Variants in ZRANB3 observed in about 807,000 individuals in gnomAD.
The protein encoded by ZRANB3 is DNA annealing helicase and endonuclease ZRANB3.
In ZRANB3, 125 loss-of-function variants were observed where a neutral mutation model predicts 133.8. The observed-to-expected ratio is 0.93, with a 90% confidence interval of 0.81 to 1.08. The LOEUF (loss-of-function observed/expected upper bound fraction) is 1.08. Ranked by LOEUF, ZRANB3 falls within the 50% of genes least tolerant of loss-of-function variation. ZRANB3 has a pLI of 0.00. For missense variants in ZRANB3, 1,229 were observed against 1,275.5 expected (o/e 0.96, Z 0.56); for synonymous variants, 387 against 432.7 (o/e 0.89, Z 1.31).
chr2:135,487,145 C>T (rs1024293191), intron 2 of ZRANB3, among the ~76,000 whole-genome samples: 2 of 152,178 alleles, frequency 1.3e-5, no homozygotes, highest in Non-Finnish European at 2.9e-5. Context: ...TACAATAGAG[C>T]TCTTGGGTGA....
intron 2 of ZRANB3, among the ~76,000 whole-genome samples, chr2:135,434,185 T>C (rs551215668): frequency 5.6e-4 from 85 of 151,948 alleles, no homozygotes; most frequent in African/African-American, 1.9e-3. Flanking sequence ...AAGAAATAAA[T>C]TGGGGGTGGA....
rs111559165 is a variant in ZRANB3 at position 135,269,211 on chromosome 2, A to T, written c.1207-70T>A. Reference sequence around the variant, plus strand: ...AATATATAATAAAGTATTTCTGAACATGTTAAATGGAGAACACTGAAGGAC... The same window carrying T: ...AATATATAATAAAGTATTTCTGAACTTGTTAAATGGAGAACACTGAAGGAC... On this transcript the variant is annotated intron_variant, in intron 10 of 20. Transcript: ENST00000264159. The T allele has an allele frequency of 5.4e-4, 702 of 1,293,872 alleles. 4 individuals are homozygous for T. The African/African-American group carries it at 9.5e-3, about 18-fold the overall frequency. 80.1% of individuals were successfully genotyped at this position (1,293,872 alleles called of 1,614,324 possible). A position where few individuals can be genotyped will look rare whatever the true frequency, so the allele number is the denominator to read the frequency against.
intron 6 of ZRANB3, among the ~76,000 whole-genome samples, chr2:135,344,364 A>G (rs1001689564): frequency 6.6e-6 from 1 of 152,226 alleles, no homozygotes; most frequent in Non-Finnish European, 1.5e-5. Context: ...CATTGTATGC[A>G]CAGCTATATA....
In ZRANB3 at chr2:135,416,575, C is replaced by T. The variant is rs993793203; in HGVS notation, c.162-25755G>A. Among the ~76,000 whole-genome samples, 442 of 151,640 alleles carry T rather than the reference C, an allele frequency of 2.9e-3. 2 individuals are homozygous for T. The highest frequency in any genetic ancestry group is 9.9e-3 in the African/African-American group (410 of 41,326). ...TTCAATGCCATCCCCATCAAGCTAC[C>T]AATGACTTTCTTCACAGAATTGGAA... is the stretch of plus-strand genomic sequence containing the variant. On this transcript the variant is annotated intron_variant, in intron 2 of 20. Transcript: ENST00000264159.
intron 1 of ZRANB3, chr2:135,511,795 T>C: frequency 1.3e-6 from 1 of 761,770 alleles, no homozygotes. Flanking sequence ...ATCTGCTAGC[T>C]TTCTATTTGA....
At chr2:135,378,890 C>T (rs1187836400) in intron 3 of ZRANB3, among the ~76,000 whole-genome samples, 1 of 152,112 alleles carries the variant, frequency 6.6e-6, no homozygotes, top group African/African-American at 2.4e-5. Context: ...ATTGTTACAA[C>T]CCAGAGAAGC....
In ZRANB3 at chr2:135,489,861, ATAT is replaced by A. The variant is rs199726830; in HGVS notation, c.161+14465_161+14467del. Reference sequence around the variant, plus strand: ...CCAAGACAAATCAACAAATATAAGCATATTTGATGTCTTCAAAGAAGCAAGCCA... The same window carrying A: ...CCAAGACAAATCAACAAATATAAGCATTGATGTCTTCAAAGAAGCAAGCCA... On this transcript the variant is annotated intron_variant, in intron 2 of 20. Coordinates refer to ENST00000264159, the MANE Select transcript of ZRANB3 (RefSeq NM_032143.4). 7.4e-4 allele frequency among the ~76,000 whole-genome samples: 112 copies of A among 152,284 alleles called. 1 individual carries two copies. In the East Asian group the frequency reaches 0.018, roughly 25 times the overall value.
intron 2 of ZRANB3, among the ~76,000 whole-genome samples, chr2:135,396,187 A>G (rs1687478853): frequency 1.3e-5 from 2 of 152,204 alleles, no homozygotes; most frequent in African/African-American, 2.4e-5. Context: ...TATGGAGAAA[A>G]GGGAACACTT....
chr2:135,393,047 T>C (rs543361871), intron 2 of ZRANB3, among the ~76,000 whole-genome samples: 1 of 152,148 alleles, frequency 6.6e-6, no homozygotes, highest in East Asian at 1.9e-4. Context: ...TTTTTTTTAT[T>C]TGTAGAGACA....
chr2:135,259,610 G>C (rs747751613), intron 12 of ZRANB3, among the ~76,000 whole-genome samples: 37 of 152,094 alleles, frequency 2.4e-4, no homozygotes, highest in Admixed American at 6.6e-4. Context: ...TAGAGATGGG[G>C]TTTCTCCATA....
At chr2:135,488,559 T>G (rs1692227426) in intron 2 of ZRANB3, among the ~76,000 whole-genome samples, 1 of 151,718 alleles carries the variant, frequency 6.6e-6, no homozygotes, top group South Asian at 2.1e-4. Flanking sequence ...TATATTTGAA[T>G]ATACTATATA....
At chr2:135,454,381 CAT>C (rs1430950730) in intron 2 of ZRANB3, among the ~76,000 whole-genome samples, 1 of 152,114 alleles carries the variant, frequency 6.6e-6, no homozygotes, top group East Asian at 1.9e-4. Flanking sequence ...ACCAGGCTCT[CAT>C]TATTAATTTA....
chr2:135,413,685 C>T (rs952279411), intron 2 of ZRANB3, among the ~76,000 whole-genome samples: 1 of 151,962 alleles, frequency 6.6e-6, no homozygotes, highest in Non-Finnish European at 1.5e-5. Context: ...TACAGAAATG[C>T]AACAGACTAA....
chr2:135,339,054 T>A (rs1463987208), intron 6 of ZRANB3, among the ~76,000 whole-genome samples: 1 of 151,990 alleles, frequency 6.6e-6, no homozygotes, highest in East Asian at 1.9e-4. Context: ...AGTGGGAGGA[T>A]CGCTGAAGCC....
intron 17 of ZRANB3, among the ~76,000 whole-genome samples, chr2:135,215,829 G>A (rs145290509): frequency 0.011 from 1,680 of 152,078 alleles, 18 homozygotes; most frequent in Middle Eastern, 0.037. Context: ...TTCTGTTTTG[G>A]GGGGTGCAAT....
chr2:135,443,861 T>C (rs768833902), intron 2 of ZRANB3, among the ~76,000 whole-genome samples: 13 of 152,092 alleles, frequency 8.5e-5, no homozygotes, highest in Non-Finnish European at 1.5e-5. Flanking sequence ...AGTCACAGAC[T>C]GGGAGAAAAT....
At chr2:135,388,935 G>A (rs879628164) in intron 3 of ZRANB3, among the ~76,000 whole-genome samples, 7 of 152,126 alleles carry the variant, frequency 4.6e-5, no homozygotes, top group South Asian at 4.2e-4. Context: ...AAAATTAGCC[G>A]GGTGTGGTGG....
intron 15 of ZRANB3, among the ~76,000 whole-genome samples, chr2:135,220,039 T>C (rs1464121122): frequency 6.6e-6 from 1 of 151,962 alleles, no homozygotes; most frequent in Admixed American, 6.6e-5. Flanking sequence ...GCCTGGCTAA[T>C]TTTTTATATT....
intron 2 of ZRANB3, among the ~76,000 whole-genome samples, chr2:135,403,149 G>C (rs546564875): frequency 6.6e-6 from 1 of 152,182 alleles, no homozygotes; most frequent in Non-Finnish European, 1.5e-5. Flanking sequence ...CCGAAGCTGG[G>C]TGAGGCATTG....
Sources: gnomAD v4.1 joint callset for allele counts (sites outside exome capture counted in the v4.1 genomes callset) on GRCh38, gnomAD v4.1.1 for gene constraint, MANE v1.5 for transcripts, NCBI Gene and HGNC (gene_info 2026-07-23, HGNC 2026-07-21) for gene names.